The following CPED1 variants were observed in gnomAD, a reference collection of about 807,000 sequenced individuals.
CPED1 encodes cadherin like and PC-esterase domain containing 1, also known as cadherin-like and PC-esterase domain-containing protein 1.
A neutral mutation model predicts 128.2 loss-of-function variants in CPED1; 114 were observed. That is an observed-to-expected ratio of 0.89 (90% CI 0.76 to 1.04). The LOEUF is 1.04. Among genes scored for constraint, CPED1 ranks in the 50% least tolerant of loss-of-function variants. The pLI is 0.00. For synonymous variants in CPED1, 462 were observed against 426.7 expected (o/e 1.08, Z -1.02); for missense variants, 1,211 against 1,207.1 (o/e 1.00, Z -0.05).
At chr7:121,124,666 C>T (rs952259765) in intron 8 of CPED1, among the ~76,000 whole-genome samples, 193 bp downstream of exon 8, 3 of 152,082 alleles carry the variant, frequency 2.0e-5, no homozygotes, top group African/African-American at 7.2e-5. Flanking sequence ...GAACGTGTGG[C>T]AGACTCAGTA....
chr7:121,289,349 G>T (rs1792645304), intron 22 of CPED1, among the ~76,000 whole-genome samples: 1 of 151,932 alleles, frequency 6.6e-6, no homozygotes, highest in South Asian at 2.1e-4. Context: ...ACATAATAAT[G>T]CACATTCATT....
At chr7:121,110,876 A>G (rs953756943) in intron 7 of CPED1, among the ~76,000 whole-genome samples, 1 of 152,190 alleles carries the variant, frequency 6.6e-6, no homozygotes, top group African/African-American at 2.4e-5. Context: ...GATGAGGAGC[A>G]TGGTGGCTTG....
At chr7:121,120,643 T>C (rs1162379912) in intron 7 of CPED1, among the ~76,000 whole-genome samples, 1 of 152,184 alleles carries the variant, frequency 6.6e-6, no homozygotes, top group Admixed American at 6.5e-5. Context: ...AGTAAATCTT[T>C]CATCCTCCAT....
At chr7:121,253,211 G>A (rs1251620387) in intron 18 of CPED1, among the ~76,000 whole-genome samples, 12 of 149,476 alleles carry the variant, frequency 8.0e-5, no homozygotes, top group Non-Finnish European at 1.5e-4. Flanking sequence ...CTATCACAAG[G>A]ACAAAAAACC....
chr7:121,199,438 G>T (rs1373394700), intron 16 of CPED1, among the ~76,000 whole-genome samples: 1 of 151,898 alleles, frequency 6.6e-6, no homozygotes, highest in Non-Finnish European at 1.5e-5. Flanking sequence ...CCAGCACGTT[G>T]GGAGGCAGAG....
chr7:121,180,689 G>A (rs1010466396), intron 16 of CPED1, among the ~76,000 whole-genome samples: 2 of 151,944 alleles, frequency 1.3e-5, no homozygotes, highest in Non-Finnish European at 2.9e-5. Context: ...AGAGAAGAGA[G>A]AACAGGAAGA....
chr7:121,258,094 GA>G (rs2116727415), intron 18 of CPED1, among the ~76,000 whole-genome samples: 1 of 152,206 alleles, frequency 6.6e-6, no homozygotes, highest in East Asian at 1.9e-4. Context: ...GATTCTTTTA[GA>G]TATTAAACTC....
intron 16 of CPED1, among the ~76,000 whole-genome samples, chr7:121,167,318 G>A (rs1044437474): frequency 2.0e-5 from 3 of 152,168 alleles, no homozygotes; most frequent in African/African-American, 7.2e-5. Context: ...CAGAGCATAG[G>A]AAACCTTCCT....
intron 16 of CPED1, among the ~76,000 whole-genome samples, chr7:121,223,017 C>A (rs1243769210): frequency 1.3e-5 from 2 of 152,188 alleles, no homozygotes; most frequent in African/African-American, 4.8e-5. Context: ...TGAGAGAGGG[C>A]ATCCTTGTCT....
chr7:121,186,717 C>T (rs1178401514), intron 16 of CPED1, among the ~76,000 whole-genome samples: 1 of 152,084 alleles, frequency 6.6e-6, no homozygotes, highest in African/African-American at 2.4e-5. Context: ...ACATGCTTAG[C>T]AGTCTAGTGG....
At chr7:121,282,226 T>C (rs1792477569) in intron 22 of CPED1, among the ~76,000 whole-genome samples, 1 of 152,222 alleles carries the variant, frequency 6.6e-6, no homozygotes, top group Non-Finnish European at 1.5e-5. Context: ...CTGAGGCCTT[T>C]TGTCTCTGTG....
chr7:121,125,698 A>G, intron 8 of CPED1, 122 bp from the exon 9 acceptor site: 1 of 679,802 alleles, frequency 1.5e-6, no homozygotes, highest in South Asian at 1.7e-5. Context: ...CATTTTCTTT[A>G]TCCAGTCTAT....
rs1200537724 is a variant in CPED1 at position 121,166,555 on chromosome 7, A to T, written c.2055+24414A>T. On this transcript the variant is annotated intron_variant, in intron 16 of 22. Coordinates refer to ENST00000310396, the MANE Select transcript of CPED1 (RefSeq NM_024913.5). ...AAAGGCTATTGTTTTCTTTGATAAT[A>T]AACTGAAATATTTAACTAAAATTGT... Among the ~76,000 whole-genome samples the T allele has an allele frequency of 2.0e-5, 3 of 152,180 alleles. No individual in the cohort carries two copies. The East Asian group carries it at 5.8e-4, about 29-fold the overall frequency.
At chr7:121,271,895 C>A (rs1792237672) in intron 22 of CPED1, among the ~76,000 whole-genome samples, 1 of 152,046 alleles carries the variant, frequency 6.6e-6, no homozygotes, top group Non-Finnish European at 1.5e-5. Flanking sequence ...GTCCCCCCAC[C>A]CAGAGTGAAA....
chr7:121,194,600 G>A (rs1257821146), intron 16 of CPED1, among the ~76,000 whole-genome samples: 7 of 151,994 alleles, frequency 4.6e-5, no homozygotes, highest in African/African-American at 1.7e-4. Context: ...CTCAGTATGT[G>A]TCATTGCTTA....
intron 18 of CPED1, among the ~76,000 whole-genome samples, chr7:121,250,644 C>A (rs529291618): frequency 6.6e-6 from 1 of 152,104 alleles, no homozygotes; most frequent in African/African-American, 2.4e-5. Flanking sequence ...ATATCACCAT[C>A]GATCCCACAG....
chr7:121,202,771 C>T (rs1797427566), intron 16 of CPED1, among the ~76,000 whole-genome samples: 1 of 152,006 alleles, frequency 6.6e-6, no homozygotes, highest in Non-Finnish European at 1.5e-5. Context: ...TTAATAGATA[C>T]CCATTTTGCA....
intron 16 of CPED1, among the ~76,000 whole-genome samples, chr7:121,204,135 T>A (rs572940071): frequency 2.5e-4 from 38 of 152,242 alleles, no homozygotes; most frequent in African/African-American, 8.9e-4. Flanking sequence ...GCCTATTTAA[T>A]GATGCCTCCA....
At chr7:121,116,372 T>C (rs1795234088) in intron 7 of CPED1, among the ~76,000 whole-genome samples, 1 of 152,352 alleles carries the variant, frequency 6.6e-6, no homozygotes, top group South Asian at 2.1e-4. Flanking sequence ...CAAGCCAATT[T>C]TCAGTGAACT....
Sources: gnomAD v4.1 joint callset for allele counts (sites outside exome capture counted in the v4.1 genomes callset) on GRCh38, gnomAD v4.1.1 for gene constraint, MANE v1.5 for transcripts, NCBI Gene and HGNC (gene_info 2026-07-23, HGNC 2026-07-21) for gene names.